The following SH3GLB2 variants were observed in gnomAD, a reference collection of about 807,000 sequenced individuals.
SH3GLB2 encodes SH3 domain containing GRB2 like, endophilin B2, also known as endophilin-B2.
In SH3GLB2, 24 loss-of-function variants were observed where a neutral mutation model predicts 48.0. The ratio of observed to expected loss-of-function variants is 0.50; its 90% confidence interval spans 0.36 to 0.70. The LOEUF is 0.70. SH3GLB2 is among the 30% of genes least tolerant of loss of function. The pLI is 0.00. For missense variants in SH3GLB2, 425 were observed against 516.0 expected (o/e 0.82, Z 1.71); for synonymous variants, 227 against 207.6 (o/e 1.09, Z -0.80).
Position 129,011,944 on chromosome 9 carries a change from C to T in SH3GLB2, c.624+292G>A. 2.8e-6 allele frequency: 1 copy of T among 351,660 alleles called. No individual in the cohort carries two copies. Among genetic ancestry groups the T allele is most frequent in the Admixed American group, 4.8e-5 (1 of 21,046 alleles). 21.8% of individuals were successfully genotyped at this position (351,660 alleles called of 1,614,324 possible). On this transcript the variant is annotated intron_variant, in intron 6 of 10. Coordinates refer to ENST00000372564, the MANE Select transcript of SH3GLB2 (RefSeq NM_020145.4). The surrounding 1 kb of genome is among the most constrained non-coding windows in gnomAD (Gnocchi z 4.5). ...AGGTGGAGGGGCCCTGGGGATGGGACAGCTGCCGCCCTGAGTTCTCCACAC... is the reference window on the plus strand; with the variant it reads ...AGGTGGAGGGGCCCTGGGGATGGGATAGCTGCCGCCCTGAGTTCTCCACAC...
At chr9:129,024,989 A>G (rs892756655) in intron 1 of SH3GLB2, among the ~76,000 whole-genome samples, 9 of 151,470 alleles carry the variant, frequency 5.9e-5, no homozygotes, top group African/African-American at 2.2e-4. Flanking sequence ...AAAAGACAGC[A>G]AGGAAGCCAG....
At position 129,009,692 on chromosome 9, in the gene SH3GLB2, C is replaced by T; in HGVS notation, c.839+79G>A. The T allele has an allele frequency of 7.6e-6, 11 of 1,447,426 alleles. No individual in the cohort carries two copies. In the South Asian group the frequency reaches 1.4e-4, roughly 18 times the overall value. The allele number at this position is 1,447,426 out of a possible 1,614,324, so 89.7% of individuals were successfully genotyped here. A position where few individuals can be genotyped will look rare whatever the true frequency, so the allele number is the denominator to read the frequency against. On this transcript the variant is annotated intron_variant, in intron 9 of 10. Coordinates refer to ENST00000372564, the MANE Select transcript of SH3GLB2 (RefSeq NM_020145.4). Reference sequence around the variant, plus strand: ...CCCAGCTTTGTGTCACAGGACTTGCCCAGAGGAGCTCATGCTGCCCACGGA... The same window carrying T: ...CCCAGCTTTGTGTCACAGGACTTGCTCAGAGGAGCTCATGCTGCCCACGGA...
Position 129,008,502 on chromosome 9 carries a change from G to C in SH3GLB2, c.*182C>G. 1 of 574,440 alleles carries C rather than the reference G, an allele frequency of 1.7e-6. No homozygotes were observed. The highest frequency in any genetic ancestry group is 3.2e-6 in the Non-Finnish European group (1 of 315,114). 35.6% of individuals were successfully genotyped at this position (574,440 alleles called of 1,614,324 possible). A position where few individuals can be genotyped will look rare whatever the true frequency, so the allele number is the denominator to read the frequency against. ...GAGCCACAGGTCAGAAGCAGGGCTG[G>C]GGGAGGGGTGGAGCCATTCAGCCTC... On this transcript the variant is annotated 3_prime_UTR_variant, in exon 11 of 11. Transcript: ENST00000372564.
At chr9:129,020,526 G>A (rs1261836482) in intron 3 of SH3GLB2, among the ~76,000 whole-genome samples, 2 of 145,994 alleles carry the variant, frequency 1.4e-5, no homozygotes, top group Non-Finnish European at 3.0e-5. Flanking sequence ...AGCTGAGATC[G>A]CACCACCGCA....
At chr9:129,015,078 A>G (rs1843348149) in intron 3 of SH3GLB2, among the ~76,000 whole-genome samples, 174 bp from the exon 4 acceptor site, 1 of 152,242 alleles carries the variant, frequency 6.6e-6, no homozygotes, top group South Asian at 2.1e-4. Flanking sequence ...CTGGGAACTA[A>G]CAAATAAACA....
chr9:129,010,586 ACAGAT>A, intron 7 of SH3GLB2, 79 bp downstream of exon 7: 2 of 1,502,224 alleles, frequency 1.3e-6, no homozygotes, highest in Middle Eastern at 1.7e-4. Flanking sequence ...AGAGTGAGAA[ACAGAT>A]CAGACCCCAC....
intron 1 of SH3GLB2, among the ~76,000 whole-genome samples, chr9:129,023,293 G>A (rs1467695068): frequency 6.6e-6 from 1 of 152,118 alleles, no homozygotes; most frequent in African/African-American, 2.4e-5. Context: ...ATGTCGCATG[G>A]GTCCCCATCA....
chr9:129,014,832 G>T lies in SH3GLB2; in HGVS notation c.407C>A (p.Ala136Asp). 6.2e-7 allele frequency: 1 copy of T among 1,613,998 alleles called. No homozygotes were observed. Among genetic ancestry groups the T allele is most frequent in the East Asian group, 2.2e-5 (1 of 44,858 alleles). The change falls in exon 4 of 11, where the codon GCC (alanine) becomes GAC (aspartate). Residue 136 changes from alanine (A) to aspartate (D), a missense_variant. By Grantham distance (126) the Ala-to-Asp change is moderately radical (BLOSUM62 -2). Coordinates refer to ENST00000372564, the MANE Select transcript of SH3GLB2 (RefSeq NM_020145.4). This position sits in a 1 kb window ranked among gnomAD's most constrained non-coding sequence, Gnocchi z 4.1. ...GAAERDFIHT[A>D]SISFLTPLRN... ...CAAGGGTGTGAGGAAGCTGATGGAG[G>T]CCGTGTGGATAAAATCCCTCTCCGC...
Position 129,028,177 on chromosome 9 carries a change from G to A in SH3GLB2, c.-23C>T. ...CATGGCGTGCCCGCACGGCCGCCGC[G>A]CACGGCCCGAGCGCAGCCGGCAGCC... is the stretch of plus-strand genomic sequence containing the variant. On this transcript the variant is annotated 5_prime_UTR_variant, in exon 1 of 11. Transcript: ENST00000372564. 2.8e-6 allele frequency: 4 copies of A among 1,412,660 alleles called. No individual in the cohort carries two copies. Among genetic ancestry groups the A allele is most frequent in the Non-Finnish European group, 3.7e-6 (4 of 1,078,760 alleles). 87.5% of individuals were successfully genotyped at this position (1,412,660 alleles called of 1,614,324 possible). A position where few individuals can be genotyped will look rare whatever the true frequency, so the allele number is the denominator to read the frequency against.
chr9:129,018,199 T>C (rs1843555042), intron 3 of SH3GLB2, among the ~76,000 whole-genome samples: 2 of 152,214 alleles, frequency 1.3e-5, no homozygotes, highest in South Asian at 4.1e-4. Context: ...TCCACAAATA[T>C]CTGAAAATGA....
chr9:129,009,358 G>A lies in SH3GLB2; in HGVS notation c.840-12C>T, dbSNP rs1439146919. On this transcript the variant is annotated splice_polypyrimidine_tract_variant and intron_variant, in intron 9 of 10. Transcript: ENST00000372564. ...AGGTGCCGGGAAATCTGGAGAGGAG[G>A]GATACATCTTAGCAGGTGGGAGTCC... 6.4e-7 allele frequency: 1 copy of A among 1,550,784 alleles called. No homozygotes were observed. The highest frequency in any genetic ancestry group is 1.2e-5 in the South Asian group (1 of 84,080).
In SH3GLB2 at chr9:129,024,753, G is replaced by A. The variant is rs568860475; in HGVS notation, c.64-2330C>T. 4.6e-5 allele frequency among the ~76,000 whole-genome samples: 7 copies of A among 150,648 alleles called. No individual in the cohort carries two copies. The South Asian group carries it at 1.5e-3, about 32-fold the overall frequency. ...TGGGAGGCCGAGGTGGGCGGATCAC[G>A]AGGTCAGGAGATCAAGACCATCCTG... On this transcript the variant is annotated intron_variant, in intron 1 of 10. Transcript: ENST00000372564.
chr9:129,007,317 C>G lies in SH3GLB2; in HGVS notation c.*1367G>C, dbSNP rs1842834152. 6.6e-6 allele frequency: 1 copy of G among 152,380 alleles called. No individual in the cohort carries two copies. Among genetic ancestry groups the G allele is most frequent in the African/African-American group, 2.4e-5 (1 of 41,440 alleles). The allele number at this position is 152,380 out of a possible 1,614,324, so 9.4% of individuals were successfully genotyped here. ...TTCCCTTCCTTGGCCTGCGCTGGTCCTGTCCTTGACCCTGCTTTCATTGGC... is the reference window on the plus strand; with the variant it reads ...TTCCCTTCCTTGGCCTGCGCTGGTCGTGTCCTTGACCCTGCTTTCATTGGC... On this transcript the variant is annotated 3_prime_UTR_variant, in exon 11 of 11. Coordinates refer to ENST00000372564, the MANE Select transcript of SH3GLB2 (RefSeq NM_020145.4).
intron 8 of SH3GLB2, 79 bp downstream of exon 8, chr9:129,010,041 G>A: frequency 1.4e-6 from 2 of 1,481,160 alleles, no homozygotes; most frequent in Non-Finnish European, 1.9e-6. Context: ...TTCTGGGGCA[G>A]CCCTGCTGAC....
intron 1 of SH3GLB2, among the ~76,000 whole-genome samples, chr9:129,024,321 G>A (rs1844008251): frequency 6.6e-6 from 1 of 151,734 alleles, no homozygotes. Context: ...CAGCACTTTG[G>A]GAGGCCAAGG....
rs11537524 is a variant in SH3GLB2 at position 129,008,507 on chromosome 9, G to T, written c.*177C>A. On this transcript the variant is annotated 3_prime_UTR_variant, in exon 11 of 11. Coordinates refer to ENST00000372564, the MANE Select transcript of SH3GLB2 (RefSeq NM_020145.4). The stretch of plus-strand genomic sequence containing the variant: ...ACAGGTCAGAAGCAGGGCTGGGGGA[G>T]GGGTGGAGCCATTCAGCCTCAGGCA... 1.9e-5 allele frequency: 11 copies of T among 580,264 alleles called. No individual in the cohort carries two copies. The Admixed American group carries it at 2.9e-4, about 15-fold the overall frequency. The allele number at this position is 580,264 out of a possible 1,614,324, so 35.9% of individuals were successfully genotyped here.
At chr9:129,022,477 G>C (rs17485737) in intron 1 of SH3GLB2, 54 bp from the exon 2 acceptor site, 13 of 1,511,474 alleles carry the variant, frequency 8.6e-6, no homozygotes, top group Non-Finnish European at 1.2e-5. Flanking sequence ...AGAAGGAGGT[G>C]GGGGAGTGGT....
At chr9:129,010,594 GACCCC>G (rs1843056106) in intron 7 of SH3GLB2, 71 bp downstream of exon 7, 13 of 1,532,716 alleles carry the variant, frequency 8.5e-6, no homozygotes, top group Non-Finnish European at 1.2e-5. Context: ...AAACAGATCA[GACCCC>G]ACAGCAGCAA....
At chr9:129,010,968 G>T (rs1255286905) in intron 6 of SH3GLB2, 1 of 517,038 alleles carries the variant, frequency 1.9e-6, no homozygotes. Flanking sequence ...TTCTCTGAGT[G>T]GGGTCTCAAG....
Sources: allele counts gnomAD v4.1 joint callset (sites outside exome capture counted in the v4.1 genomes callset), GRCh38; gene constraint gnomAD v4.1.1; non-coding constraint Gnocchi (gnomAD v3.1); transcripts MANE v1.5; gene names NCBI Gene and HGNC (gene_info 2026-07-23, HGNC 2026-07-21).